The following KCNG3 variants were observed in gnomAD, a reference collection of about 807,000 sequenced individuals.
KCNG3 encodes the protein potassium voltage-gated channel modifier subfamily G member 3, also known as voltage-gated potassium channel regulatory subunit KCNG3.
Under a neutral mutation model 29.0 loss-of-function variants are expected in KCNG3, and 15 were observed. That is an observed-to-expected ratio of 0.52 (90% CI 0.35 to 0.80). The LOEUF (loss-of-function observed/expected upper bound fraction) is 0.80. KCNG3 is among the 30% of genes least tolerant of loss of function. KCNG3 has a pLI of 0.01. For missense variants in KCNG3, 512 were observed against 605.7 expected, an observed-to-expected ratio of 0.85 and a Z score of 1.62; for synonymous variants, 322 against 248.9, an observed-to-expected ratio of 1.29 and a Z score of -2.76.
At chr2:42,479,459 A>T (rs1026553682) in intron 1 of KCNG3, among the ~76,000 whole-genome samples, 2 of 150,528 alleles carry the variant, frequency 1.3e-5, no homozygotes, top group African/African-American at 2.4e-5. Context: ...GTTCTGGGCA[A>T]CTGAGCAAAA....
the KCNG3 span, among the ~76,000 whole-genome samples, chr2:42,413,236 C>T: frequency 6.6e-6 from 1 of 152,180 alleles, no homozygotes; most frequent in African/African-American, 2.4e-5. Flanking sequence ...AACTCCTGGG[C>T]TCAAGCAATC....
intron 1 of KCNG3, among the ~76,000 whole-genome samples, chr2:42,468,736 C>T (rs1299250897): frequency 1.3e-5 from 2 of 151,714 alleles, no homozygotes; most frequent in African/African-American, 2.4e-5. Context: ...AAGTGGATCA[C>T]GAAGTCAGGA....
intron 1 of KCNG3, among the ~76,000 whole-genome samples, chr2:42,445,789 C>T (rs542865810): frequency 1.3e-4 from 20 of 152,084 alleles, no homozygotes; most frequent in African/African-American, 4.3e-4. Context: ...TGCAGTGGCA[C>T]GATCTCAGCT....
At chr2:42,407,079 C>T in the KCNG3 span, among the ~76,000 whole-genome samples, 2 of 151,660 alleles carry the variant, frequency 1.3e-5, no homozygotes, top group Non-Finnish European at 2.9e-5. Flanking sequence ...AATTCATATT[C>T]TCTATTTGTT....
At chr2:42,408,402 G>A in the KCNG3 span, among the ~76,000 whole-genome samples, 1 of 152,142 alleles carries the variant, frequency 6.6e-6, no homozygotes, top group Non-Finnish European at 1.5e-5. Flanking sequence ...CCTCCCCTCA[G>A]AGGCCCATAA....
intron 1 of KCNG3, among the ~76,000 whole-genome samples, chr2:42,467,663 G>A (rs951004469): frequency 2.2e-5 from 3 of 137,458 alleles, no homozygotes; most frequent in Non-Finnish European, 4.6e-5. Context: ...GTGAGACTCT[G>A]TTTCAAAAAA....
rs557610860 is a variant in KCNG3, at chr2:42,444,730, C to G, written c.666-151G>C. On this transcript the variant is annotated intron_variant, in intron 1 of 1. Coordinates refer to ENST00000306078, the MANE Select transcript of KCNG3 (RefSeq NM_133329.6). This position sits in a 1 kb window ranked among gnomAD's most constrained non-coding sequence, Gnocchi z 5.8. Reference sequence around the variant, plus strand: ...AGACAACATTAGCAACATCATCAGACCACCAGGATGCACGCAACAGAACAA... The same window carrying G: ...AGACAACATTAGCAACATCATCAGAGCACCAGGATGCACGCAACAGAACAA... 4.4e-6 allele frequency: 3 copies of G among 680,046 alleles called. No individual in the cohort carries two copies. The highest frequency in any genetic ancestry group is 7.3e-6 in the Non-Finnish European group (3 of 411,702). 42.1% of individuals were successfully genotyped at this position (680,046 alleles called of 1,614,324 possible).
At chr2:42,470,170 T>C in intron 1 of KCNG3, 1 of 424,244 alleles carries the variant, frequency 2.4e-6, no homozygotes, top group Non-Finnish European at 4.5e-6. Context: ...TGATAGAGCG[T>C]CAGATTCACC....
Position 42,475,783 on chromosome 2 carries a change from G to A in KCNG3, c.665+17054C>T, listed in dbSNP as rs1373032213. ...AATTCAGTATAAAATTAATAAAATC[G>A]GGCCAAGCACAGTGGCTCAGCCTGT... is the stretch of plus-strand genomic sequence containing the variant. On this transcript the variant is annotated intron_variant, in intron 1 of 1. Coordinates refer to ENST00000306078, the MANE Select transcript of KCNG3 (RefSeq NM_133329.6). Among the ~76,000 whole-genome samples the A allele has an allele frequency of 2.0e-5, 3 of 152,040 alleles. No homozygotes were observed. In the South Asian group the frequency reaches 6.2e-4, roughly 32 times the overall value.
At chr2:42,448,912 A>G (rs1485024667) in intron 1 of KCNG3, among the ~76,000 whole-genome samples, 2 of 151,826 alleles carry the variant, frequency 1.3e-5, no homozygotes, top group Admixed American at 1.3e-4. Context: ...TGGGAGGTGG[A>G]GCTTGCAGTG....
intron 1 of KCNG3, among the ~76,000 whole-genome samples, chr2:42,447,600 C>T (rs960065405): frequency 2.6e-5 from 4 of 151,992 alleles, no homozygotes; most frequent in Admixed American, 6.6e-5. Flanking sequence ...ACTGCAGCCT[C>T]AAATGCCCAG....
chr2:42,417,727 C>T, the KCNG3 span, among the ~76,000 whole-genome samples: 2 of 152,156 alleles, frequency 1.3e-5, no homozygotes, highest in Admixed American at 1.3e-4. Context: ...AATCCTAGCA[C>T]TTTGGGAGGC....
At chr2:42,478,601 T>C (rs1006341439) in intron 1 of KCNG3, among the ~76,000 whole-genome samples, 2 of 152,032 alleles carry the variant, frequency 1.3e-5, no homozygotes, top group Non-Finnish European at 2.9e-5. Context: ...ATATAAAAAC[T>C]AACACAGTTT....
the KCNG3 span, among the ~76,000 whole-genome samples, chr2:42,409,725 AAAAAT>A: frequency 4.1e-5 from 3 of 73,176 alleles, no homozygotes; most frequent in Non-Finnish European, 6.5e-5. Flanking sequence ...AAAAAAAAAA[AAAAAT>A]TTTTTTTTAA....
chr2:42,431,984 A>G, the KCNG3 span, among the ~76,000 whole-genome samples: 1 of 150,522 alleles, frequency 6.6e-6, no homozygotes, highest in African/African-American at 2.4e-5. Context: ...GGTTGCAGTG[A>G]GCCAAGATAA....
the KCNG3 span, among the ~76,000 whole-genome samples, chr2:42,412,878 C>A: frequency 2.0e-5 from 3 of 152,046 alleles, no homozygotes; most frequent in African/African-American, 7.2e-5. Context: ...ATACCTTTTT[C>A]CATTCCTTTA....
At chr2:42,434,873 T>C in the KCNG3 span, among the ~76,000 whole-genome samples, 1 of 152,138 alleles carries the variant, frequency 6.6e-6, no homozygotes, top group East Asian at 1.9e-4. Context: ...GGGGAAAGAC[T>C]GATCTTTTCA....
At chr2:42,440,775 G>T (rs928274536), downstream of KCNG3, among the ~76,000 whole-genome samples, 1 of 152,138 alleles carries the variant, frequency 6.6e-6, no homozygotes, top group Non-Finnish European at 1.5e-5. Flanking sequence ...TGAAAGCCTT[G>T]AATTGTTAGT....
chr2:42,418,241 T>C, the KCNG3 span, among the ~76,000 whole-genome samples: 73 of 152,304 alleles, frequency 4.8e-4, no homozygotes, highest in Admixed American at 4.6e-3. Flanking sequence ...CATATTACTA[T>C]GTTTTCAAGG....
Sources: allele counts gnomAD v4.1 joint callset (sites outside exome capture counted in the v4.1 genomes callset), GRCh38; gene constraint gnomAD v4.1.1; non-coding constraint Gnocchi (gnomAD v3.1); transcripts MANE v1.5; gene names NCBI Gene and HGNC (gene_info 2026-07-23, HGNC 2026-07-21).